Variants in NCKAP5 observed in about 807,000 individuals in gnomAD.
NCKAP5 encodes NCK associated protein 5.
A neutral mutation model predicts 167.0 loss-of-function variants in NCKAP5; 92 were observed. The ratio of observed to expected loss-of-function variants is 0.55; its 90% CI spans 0.47 to 0.66. NCKAP5 has a LOEUF of 0.66. Ranked by LOEUF, NCKAP5 falls within the 30% of genes least tolerant of loss-of-function variation. The probability of loss-of-function intolerance (pLI) is 0.00; values close to 1 mark genes in which losing one functional copy is unlikely to be tolerated. For missense variants in NCKAP5, 2,378 were observed against 2,315.0 expected, an observed-to-expected ratio of 1.03 and a Z score of -0.56; for synonymous variants, 891 against 877.4, an observed-to-expected ratio of 1.02 and a Z score of -0.27.
At chr2:132,946,285 A>G (rs989260160) in intron 8 of NCKAP5, among the ~76,000 whole-genome samples, 2 of 152,204 alleles carry the variant, frequency 1.3e-5, no homozygotes, top group Non-Finnish European at 1.5e-5. Flanking sequence ...GGTAGAGCCA[A>G]TATGAGTGAC....
At chr2:133,090,125 C>A (rs566670707) in intron 6 of NCKAP5, among the ~76,000 whole-genome samples, 2 of 151,406 alleles carry the variant, frequency 1.3e-5, no homozygotes, top group African/African-American at 2.4e-5. Context: ...CCAACACTTT[C>A]GGAGGCCAAC....
At position 132,785,321 on chromosome 2, in the gene NCKAP5, C is replaced by A; in HGVS notation, c.1490G>T (p.Arg497Met). Residue 497 changes from arginine to methionine, a missense_variant, in exon 14 of 20, where the codon AGG becomes ATG. Physicochemically the swap from Arg to Met is moderately conservative, Grantham distance 91. Coordinates refer to ENST00000409261, the MANE Select transcript of NCKAP5 (RefSeq NM_207363.3). ...GTGGGTTAATTTACTGCCATGTGGC[C>A]TGCAGCTCTGGTTTGGAACTGCTTG... ...LLQAVPNQSC[R>M]PHGSKLTHSV... 1 of 1,612,584 alleles carries A rather than the reference C, an allele frequency of 6.2e-7. No homozygotes were observed. The highest frequency in any genetic ancestry group is 8.5e-7 in the Non-Finnish European group (1 of 1,179,152).
chr2:133,498,659 AG>A (rs1022606870), intron 3 of NCKAP5, among the ~76,000 whole-genome samples: 8 of 152,226 alleles, frequency 5.3e-5, no homozygotes, highest in Admixed American at 3.9e-4. Context: ...AAATAAAGAA[AG>A]AAAAAAAAAG....
At chr2:133,429,810 C>T (rs904855570) in intron 3 of NCKAP5, among the ~76,000 whole-genome samples, 4 of 151,880 alleles carry the variant, frequency 2.6e-5, no homozygotes, top group South Asian at 2.1e-4. Context: ...TTTGGTAGAA[C>T]GATTTCTTTT....
chr2:132,979,859 G>A (rs1435966544), intron 7 of NCKAP5, among the ~76,000 whole-genome samples: 4 of 152,176 alleles, frequency 2.6e-5, no homozygotes, highest in African/African-American at 9.7e-5. Context: ...CTCTACAGTA[G>A]AGGCTGGTGT....
chr2:132,709,532 C>T (rs1033160193), intron 19 of NCKAP5, among the ~76,000 whole-genome samples: 2 of 151,744 alleles, frequency 1.3e-5, no homozygotes, highest in Non-Finnish European at 2.9e-5. Flanking sequence ...GAGACTAAAA[C>T]GATAAGCAAA....
At chr2:133,251,364 G>T (rs1372368149) in intron 4 of NCKAP5, among the ~76,000 whole-genome samples, 1 of 151,760 alleles carries the variant, frequency 6.6e-6, no homozygotes, top group East Asian at 1.9e-4. Context: ...GAGTGGAAAA[G>T]AAAACAGACA....
chr2:132,805,780 T>C (rs1238437779), intron 11 of NCKAP5, among the ~76,000 whole-genome samples: 1 of 152,084 alleles, frequency 6.6e-6, no homozygotes, highest in African/African-American at 2.4e-5. Context: ...TTTTATTTTA[T>C]TTTTATTTTT....
Position 133,074,428 on chromosome 2 carries a change from T to C in NCKAP5, c.341+55550A>G, listed in dbSNP as rs563896941. On this transcript the variant is annotated intron_variant, in intron 6 of 19. Coordinates refer to ENST00000409261, the MANE Select transcript of NCKAP5 (RefSeq NM_207363.3). ...AGGCCAGAATACAGTGGTGTAGTCATAGCTCACTGCAGCCTCGACCTCCTG... is the reference window on the plus strand; with the variant it reads ...AGGCCAGAATACAGTGGTGTAGTCACAGCTCACTGCAGCCTCGACCTCCTG... 2.0e-5 allele frequency among the ~76,000 whole-genome samples: 3 copies of C among 152,256 alleles called. No individual in the cohort carries two copies. The East Asian group carries it at 5.8e-4, about 29-fold the overall frequency.
At position 132,862,009 on chromosome 2, in the gene NCKAP5, T is replaced by C. The variant is rs1689951533; in HGVS notation, c.688-1398A>G. Among the ~76,000 whole-genome samples, 3 of 152,328 alleles carry C rather than the reference T, an allele frequency of 2.0e-5. No homozygotes were observed. In the South Asian group the frequency reaches 6.2e-4, roughly 32 times the overall value. On this transcript the variant is annotated intron_variant, in intron 10 of 19. Transcript: ENST00000409261. ...GATGGCAAATTCTATTCACTAGTGATTGGTGTGATAAAGAGCGTTTAAGTT... is the reference window on the plus strand; with the variant it reads ...GATGGCAAATTCTATTCACTAGTGACTGGTGTGATAAAGAGCGTTTAAGTT...
intron 5 of NCKAP5, among the ~76,000 whole-genome samples, chr2:133,132,516 C>CACACACACACAA (rs374197642): frequency 0.011 from 1,570 of 146,398 alleles, 31 homozygotes; most frequent in African/African-American, 0.038. Flanking sequence ...CACACACACA[C>CACACACACACAA]AAACCCTGAT....
chr2:133,002,324 A>G (rs2077814479), intron 6 of NCKAP5, among the ~76,000 whole-genome samples: 1 of 152,194 alleles, frequency 6.6e-6, no homozygotes, highest in Non-Finnish European at 1.5e-5. Context: ...ATAAAGTTTA[A>G]TGTACAAATT....
chr2:133,002,100 C>A (rs148629939), intron 6 of NCKAP5, among the ~76,000 whole-genome samples: 255 of 152,230 alleles, frequency 1.7e-3, no homozygotes, highest in African/African-American at 5.7e-3. Context: ...GAATCGATCC[C>A]CCATGGAAAC....
intron 3 of NCKAP5, among the ~76,000 whole-genome samples, chr2:133,482,283 T>C (rs920379381): frequency 2.0e-5 from 3 of 151,466 alleles, no homozygotes. Context: ...AATGGTGTGA[T>C]CTCGGCTCAC....
intron 11 of NCKAP5, among the ~76,000 whole-genome samples, chr2:132,831,909 G>C (rs561547401): frequency 6.6e-6 from 1 of 151,914 alleles, no homozygotes; most frequent in African/African-American, 2.4e-5. Flanking sequence ...GAATTTTTTA[G>C]AAATACATTG....
At chr2:133,207,134 A>AC (rs1291275762) in intron 5 of NCKAP5, among the ~76,000 whole-genome samples, 5 of 151,654 alleles carry the variant, frequency 3.3e-5, no homozygotes, top group Admixed American at 2.0e-4. Flanking sequence ...CTGTTCATGC[A>AC]CCCCCTCCCC....
At chr2:133,570,996 T>C (rs1262964782), upstream of NCKAP5, among the ~76,000 whole-genome samples, 4 of 151,960 alleles carry the variant, frequency 2.6e-5, no homozygotes, top group African/African-American at 4.9e-5. Context: ...TTAGAGCCTA[T>C]GTTTTTCTTT....
chr2:132,781,376 T>C, intron 14 of NCKAP5, 147 bp from the exon 15 acceptor site: 1 of 636,934 alleles, frequency 1.6e-6, no homozygotes, highest in Non-Finnish European at 2.5e-6. Context: ...TCATGGGCCT[T>C]GATCAAATCT....
At chr2:133,092,590 A>AT (rs58364297) in intron 6 of NCKAP5, among the ~76,000 whole-genome samples, 1 of 152,006 alleles carries the variant, frequency 6.6e-6, no homozygotes, top group Non-Finnish European at 1.5e-5. Context: ...AAATAACATA[A>AT]TTTTTTTTCA....
Sources: allele counts gnomAD v4.1 joint callset (sites outside exome capture counted in the v4.1 genomes callset), GRCh38; gene constraint gnomAD v4.1.1; transcripts MANE v1.5; gene names NCBI Gene and HGNC (gene_info 2026-07-23, HGNC 2026-07-21).